Variants in COL20A1 observed in about 807,000 individuals in gnomAD.
COL20A1 encodes the protein collagen alpha-1(XX) chain.
A neutral mutation model predicts 152.9 loss-of-function variants in COL20A1; 164 were observed. That is an observed-to-expected ratio of 1.07 (90% confidence interval 0.94 to 1.22). The LOEUF (loss-of-function observed/expected upper bound fraction) is 1.22, where lower values mean the gene tolerates loss of function less well. Among genes scored for constraint, COL20A1 ranks in the 50% most tolerant of loss-of-function variants. COL20A1 has a pLI of 0.00. For synonymous variants in COL20A1, 864 were observed against 756.0 expected (o/e 1.14, Z -2.34); for missense variants, 1,873 against 1,744.8 (o/e 1.07, Z -1.31).
intron 28 of COL20A1, 31 bp downstream of exon 28, chr20:63,325,525 G>A: frequency 6.2e-7 from 1 of 1,600,556 alleles, no homozygotes; most frequent in Admixed American, 1.7e-5. Flanking sequence ...GGGCCACAGG[G>A]GTTGGTGGGG....
intron 7 of COL20A1, 53 bp from the exon 8 acceptor site, chr20:63,308,489 A>C: frequency 6.8e-7 from 1 of 1,473,734 alleles, no homozygotes; most frequent in South Asian, 1.4e-5. Context: ...CCAGCCGAGC[A>C]CCAGGAGGGG....
At chr20:63,312,109 G>A in intron 14 of COL20A1, 54 bp downstream of exon 14, 1 of 1,494,022 alleles carries the variant, frequency 6.7e-7, no homozygotes, top group Non-Finnish European at 8.9e-7. Context: ...ACAGGGCCCT[G>A]TCTGGCAGGC....
intron 3 of COL20A1, among the ~76,000 whole-genome samples, chr20:63,304,490 C>T (rs13040699): frequency 3.4e-5 from 3 of 88,660 alleles, no homozygotes; most frequent in African/African-American, 4.5e-5. Flanking sequence ...CCTCCCTCCT[C>T]TTCTCCCTGC....
At position 63,312,460 on chromosome 20, in the gene COL20A1, C is replaced by G. The variant is rs771110529; in HGVS notation, c.1844C>G (p.Pro615Arg). The change falls in exon 15 of 36, where the codon CCT becomes CGT. Residue 615 changes from proline (P) to arginine (R), a missense_variant. Pro to Arg is a moderately radical substitution (Grantham distance 103). Coordinates refer to ENST00000358894, the MANE Select transcript of COL20A1 (RefSeq NM_020882.4). ...PGNATSATLG[P>R]LSSSTTYTVR... Reference sequence around the variant, plus strand: ...AACGCCACCTCGGCCACGCTGGGGCCTCTCTCTTCCTCCACCACCTACACT... The same window carrying G: ...AACGCCACCTCGGCCACGCTGGGGCGTCTCTCTTCCTCCACCACCTACACT... 8 of 1,607,270 alleles carry G rather than the reference C, an allele frequency of 5.0e-6. No homozygotes were observed. In the East Asian group the frequency reaches 1.3e-4, roughly 27 times the overall value.
chr20:63,315,461 C>A, intron 20 of COL20A1, 22 bp downstream of exon 20: 2 of 1,557,856 alleles, frequency 1.3e-6, no homozygotes, highest in East Asian at 2.4e-5. Context: ...ATGCCCTCCC[C>A]TGCCTGCCCA....
At position 63,307,657 on chromosome 20, in the gene COL20A1, T is replaced by A. The variant is rs1400397762; in HGVS notation, c.655+9T>A. ...GGATAAGGTCCAAGTAGGTGGGTGCTGGCCCGGCCCGCCTCCTGCCCCACC... is the reference window on the plus strand; with the variant it reads ...GGATAAGGTCCAAGTAGGTGGGTGCAGGCCCGGCCCGCCTCCTGCCCCACC... On this transcript the variant is annotated intron_variant, in intron 6 of 35. Transcript: ENST00000358894. 15 of 1,608,604 alleles carry A rather than the reference T, an allele frequency of 9.3e-6. No individual in the cohort carries two copies. The African/African-American group carries it at 1.2e-4, about 13-fold the overall frequency.
Position 63,312,462 on chromosome 20 carries a change from C to T in COL20A1, c.1846C>T (p.Leu616Phe), listed in dbSNP as rs774598675. The T allele has an allele frequency of 1.9e-6, 3 of 1,607,706 alleles. No individual in the cohort carries two copies. The South Asian group carries it at 3.3e-5, about 18-fold the overall frequency. ...CGCCACCTCGGCCACGCTGGGGCCTCTCTCTTCCTCCACCACCTACACTGT... is the reference window on the plus strand; with the variant it reads ...CGCCACCTCGGCCACGCTGGGGCCTTTCTCTTCCTCCACCACCTACACTGT... ...GNATSATLGP[L>F]SSSTTYTVRV... Residue 616 changes from leucine (L) to phenylalanine (F), a missense_variant, in exon 15 of 36, where the codon CTC becomes TTC. Leu to Phe is a conservative substitution (Grantham distance 22, BLOSUM62 0). Transcript: ENST00000358894.
Position 63,311,372 on chromosome 20 carries a change from G to T in COL20A1, c.1394-22G>T. 1 of 1,566,490 alleles carries T rather than the reference G, an allele frequency of 6.4e-7. No homozygotes were observed. Among genetic ancestry groups the T allele is most frequent in the Admixed American group, 1.8e-5 (1 of 54,468 alleles). The stretch of plus-strand genomic sequence containing the variant: ...ATCTCTGTGTGGGCTCCTTCCTAAA[G>T]TGTCCCTGCATGGCCCCCCAGCACC... On this transcript the variant is annotated intron_variant, in intron 11 of 35. Coordinates refer to ENST00000358894, the MANE Select transcript of COL20A1 (RefSeq NM_020882.4). This position sits in a 1 kb window ranked among gnomAD's most constrained non-coding sequence, Gnocchi z 4.4.
chr20:63,313,802 C>T lies in COL20A1; in HGVS notation c.2269C>T (p.Leu757=), dbSNP rs1245391164. ...LALASETPDS[L]QVSWTPPLGR... ...CCTGGCCTCGGAGACCCCCGACAGC[C>T]TGCAGGTCAGCTGGACGCCCCCGCT... Residue 757 remains leucine (L), a synonymous_variant, in exon 18 of 36, where the codon CTG becomes TTG. Coordinates refer to ENST00000358894, the MANE Select transcript of COL20A1 (RefSeq NM_020882.4). This position sits in a 1 kb window ranked among gnomAD's most constrained non-coding sequence, Gnocchi z 5.9. The T allele has an allele frequency of 4.3e-6, 7 of 1,611,002 alleles. No homozygotes were observed. The highest frequency in any genetic ancestry group is 5.9e-6 in the Non-Finnish European group (7 of 1,179,278).
In COL20A1 at chr20:63,311,614, T is replaced by C. The variant is rs2068006959; in HGVS notation, c.1540-11T>C. ...GAGTGGGGGCTGGCCTGGGACGTCA[T>C]GTCTCTGCAGGTGCAGGTCGGGCGG... On this transcript the variant is annotated splice_polypyrimidine_tract_variant and intron_variant, in intron 12 of 35. Transcript: ENST00000358894. The surrounding 1 kb of genome is among the most constrained non-coding windows in gnomAD (Gnocchi z 4.4). 2.5e-6 allele frequency: 4 copies of C among 1,610,122 alleles called. No individual in the cohort carries two copies. The highest frequency in any genetic ancestry group is 3.4e-6 in the Non-Finnish European group (4 of 1,179,604).
At chr20:63,317,510 T>C (rs1323195147) in intron 21 of COL20A1, among the ~76,000 whole-genome samples, 1 of 151,500 alleles carries the variant, frequency 6.6e-6, no homozygotes, top group Non-Finnish European at 1.5e-5. Context: ...AGAGTTATAT[T>C]CTGTAACAGA....
chr20:63,295,250 C>A (rs879186642), intron 2 of COL20A1, 61 bp downstream of exon 2: 3 of 1,159,742 alleles, frequency 2.6e-6, no homozygotes, highest in Non-Finnish European at 2.5e-6. Context: ...CACCAGTGCC[C>A]ACGCGGGACG....
At position 63,320,995 on chromosome 20, in the gene COL20A1, G is replaced by A. The variant is rs773718583; in HGVS notation, c.3154-18G>A. 2.9e-4 allele frequency: 442 copies of A among 1,545,358 alleles called. No individual in the cohort carries two copies. The highest frequency in any genetic ancestry group is 3.4e-4 in the Admixed American group (18 of 52,392). ...AGGGAGAGGGTCTCTCTAATGGGCA[G>A]GGTCTCTCTTCTTCCAGAGGGATGG... On this transcript the variant is annotated intron_variant, in intron 25 of 35. Transcript: ENST00000358894.
chr20:63,316,156 G>C (rs752750454), intron 20 of COL20A1, among the ~76,000 whole-genome samples: 10 of 152,120 alleles, frequency 6.6e-5, no homozygotes, highest in Admixed American at 2.0e-4. Flanking sequence ...GGGCGGGCGG[G>C]GGACGCGGTG....
At chr20:63,303,441 A>C (rs1156715195) in intron 3 of COL20A1, among the ~76,000 whole-genome samples, 7 of 152,184 alleles carry the variant, frequency 4.6e-5, no homozygotes, top group Admixed American at 4.6e-4. Context: ...AAGCCTTGGG[A>C]ATATGACAGA....
intron 19 of COL20A1, 67 bp downstream of exon 19, chr20:63,314,268 C>T (rs907569836): frequency 1.1e-5 from 15 of 1,417,030 alleles, no homozygotes; most frequent in African/African-American, 4.3e-5. Flanking sequence ...ACCCCAGACC[C>T]TGCCAGCTCC....
In COL20A1 at chr20:63,298,124, C is replaced by G. The variant is rs1261519813; in HGVS notation, c.193+104C>G. On this transcript the variant is annotated intron_variant, in intron 3 of 35. Coordinates refer to ENST00000358894, the MANE Select transcript of COL20A1 (RefSeq NM_020882.4). ...CTCAGGCCCACAGCATCCCTCCCACCAGCCCCTTAGTGTCAGCACCTCTCT... is the reference window on the plus strand; with the variant it reads ...CTCAGGCCCACAGCATCCCTCCCACGAGCCCCTTAGTGTCAGCACCTCTCT... The G allele has an allele frequency of 1.1e-5, 8 of 714,748 alleles. No individual in the cohort carries two copies. In the Admixed American group the frequency reaches 2.0e-4, roughly 18 times the overall value. The allele number at this position is 714,748 out of a possible 1,614,324, so 44.3% of individuals were successfully genotyped here.
chr20:63,320,436 GCC>G, intron 25 of COL20A1, 68 bp downstream of exon 25: 2 of 1,495,236 alleles, frequency 1.3e-6, no homozygotes, highest in Non-Finnish European at 1.8e-6. Flanking sequence ...GGGTCACAGT[GCC>G]TGGGGTCAGT....
At chr20:63,325,570 C>T in intron 28 of COL20A1, 76 bp downstream of exon 28, 1 of 1,512,590 alleles carries the variant, frequency 6.6e-7, no homozygotes, top group Non-Finnish European at 9.1e-7. Flanking sequence ...TGGGGAGTGC[C>T]TGGGGGGCAC....
Sources: gnomAD v4.1 joint callset for allele counts (sites outside exome capture counted in the v4.1 genomes callset) on GRCh38, gnomAD v4.1.1 for gene constraint, Gnocchi (gnomAD v3.1) non-coding constraint, MANE v1.5 for transcripts, NCBI Gene and HGNC (gene_info 2026-07-23, HGNC 2026-07-21) for gene names.